RTN3: variants seen among roughly 807,000 people sequenced by gnomAD.
RTN3 encodes reticulon 3, also known as reticulon-3.
RTN3 carries 49 observed loss-of-function variants against 77.8 expected under a neutral mutation model. That is an observed-to-expected ratio of 0.63 (90% CI 0.50 to 0.80). The LOEUF (loss-of-function observed/expected upper bound fraction) is 0.80, where lower values mean the gene tolerates loss of function less well. Ranked by LOEUF, RTN3 falls within the 30% of genes least tolerant of loss-of-function variation. The pLI, the probability that RTN3 is intolerant of heterozygous loss-of-function variation, is 0.00. For missense variants in RTN3, 1,236 were observed against 1,211.9 expected (o/e 1.02, Z -0.29); for synonymous variants, 464 against 446.9 (o/e 1.04, Z -0.48).
intron 1 of RTN3, among the ~76,000 whole-genome samples, chr11:63,699,133 C>A (rs906597689): frequency 2.6e-5 from 4 of 151,798 alleles, no homozygotes; most frequent in Admixed American, 2.6e-4. Flanking sequence ...ATACAAAACC[C>A]CTACTAAAAA....
chr11:63,719,829 C>T lies in RTN3; in HGVS notation c.1327C>T (p.Gln443Ter). The change falls in exon 3 of 9, where the codon CAG (glutamine) becomes TAG (stop). Residue 443 changes from glutamine to a stop codon, truncating the protein, a stop_gained. Coordinates refer to ENST00000377819, the MANE Select transcript of RTN3 (RefSeq NM_001265589.2). LOFTEE classifies it high-confidence loss of function. ...AGGTGTGCAAGGCAATATGCAGAAA[C>T]AGGATGACACACTTGCAGAATTACC... ...IKGVQGNMQK[Q>*]DDTLAELPGS... is the part of the protein sequence containing the mutation. The T allele has an allele frequency of 6.2e-7, 1 of 1,614,170 alleles. No homozygotes were observed. Among genetic ancestry groups the T allele is most frequent in the Non-Finnish European group, 8.5e-7 (1 of 1,180,034 alleles).
rs2011605520 is a variant in RTN3 at position 63,719,547 on chromosome 11, AAAC to A, written c.1050_1052del (p.Gln351del). 6.2e-7 allele frequency: 1 copy of A among 1,614,214 alleles called. No individual in the cohort carries two copies. The highest frequency in any genetic ancestry group is 1.3e-5 in the African/African-American group (1 of 75,060). ...GACTTGGGATCTGGTTCCCCAAGTG[AAAC>A]AACAGACCGATAAATCTTCTGACTG... is the stretch of plus-strand genomic sequence containing the variant. On this transcript the variant is annotated inframe_deletion, in exon 3 of 9. Transcript: ENST00000377819.
chr11:63,739,001 A>G (rs1026548289), intron 3 of RTN3, among the ~76,000 whole-genome samples: 2 of 152,190 alleles, frequency 1.3e-5, no homozygotes, highest in East Asian at 3.8e-4. Context: ...GGGACAAGAA[A>G]TAGATACTTT....
At chr11:63,703,367 A>G (rs1942339995) in intron 1 of RTN3, among the ~76,000 whole-genome samples, 1 of 152,000 alleles carries the variant, frequency 6.6e-6, no homozygotes, top group Admixed American at 6.6e-5. Context: ...CATGGCAGCA[A>G]GTGTTTCATA....
chr11:63,707,621 G>A (rs1195755564), intron 2 of RTN3, among the ~76,000 whole-genome samples: 4 of 152,010 alleles, frequency 2.6e-5, no homozygotes, highest in South Asian at 2.1e-4. Context: ...ATCACCTGAC[G>A]TCAGGAGTTC....
intron 3 of RTN3, among the ~76,000 whole-genome samples, chr11:63,746,704 C>T (rs1249993140): frequency 1.3e-5 from 2 of 152,034 alleles, no homozygotes; most frequent in South Asian, 2.1e-4. Context: ...TTAGTAGAGA[C>T]GGGGTTTCAC....
intron 1 of RTN3, among the ~76,000 whole-genome samples, chr11:63,683,400 G>A (rs375721530): frequency 3.9e-5 from 6 of 152,168 alleles, no homozygotes; most frequent in African/African-American, 1.4e-4. Context: ...GGGTTTTCTT[G>A]ATTTTTCATT....
At chr11:63,687,003 A>G (rs1941410322) in intron 1 of RTN3, among the ~76,000 whole-genome samples, 1 of 152,210 alleles carries the variant, frequency 6.6e-6, no homozygotes, top group South Asian at 2.1e-4. Context: ...TGTTCTGTGT[A>G]CTTTTTATGG....
intron 7 of RTN3, among the ~76,000 whole-genome samples, 189 bp from the exon 8 acceptor site, chr11:63,755,923 C>A (rs1465089683): frequency 7.3e-5 from 11 of 151,598 alleles, no homozygotes; most frequent in African/African-American, 2.7e-4. Flanking sequence ...AGCGCCACTG[C>A]ACTCCACCCT....
intron 1 of RTN3, among the ~76,000 whole-genome samples, chr11:63,697,219 T>C (rs999684799): frequency 6.6e-6 from 1 of 152,050 alleles, no homozygotes; most frequent in Admixed American, 6.6e-5. Context: ...AAAATAAGAA[T>C]ATCGTGATGA....
Position 63,720,029 on chromosome 11 carries a change from A to T in RTN3, c.1527A>T (p.Thr509=). 4 of 1,614,220 alleles carry T rather than the reference A, an allele frequency of 2.5e-6. No individual in the cohort carries two copies. The highest frequency in any genetic ancestry group is 3.4e-6 in the Non-Finnish European group (4 of 1,180,040). ...ATGACACAGTAATAGAGGACATCACAGCAGATACATCATTTGAAAATAACA... is the reference window on the plus strand; with the variant it reads ...ATGACACAGTAATAGAGGACATCACTGCAGATACATCATTTGAAAATAACA... ...ESDDTVIEDI[T]ADTSFENNKI... is the part of the protein sequence containing the mutation. The change falls in exon 3 of 9, where the codon ACA becomes ACT. Residue 509 remains threonine, a synonymous_variant. Coordinates refer to ENST00000377819, the MANE Select transcript of RTN3 (RefSeq NM_001265589.2).
chr11:63,751,493 C>T (rs2014104642), intron 4 of RTN3, among the ~76,000 whole-genome samples: 1 of 152,154 alleles, frequency 6.6e-6, no homozygotes, highest in African/African-American at 2.4e-5. Flanking sequence ...TCACACTTTC[C>T]TCTTGAAAAT....
chr11:63,739,167 ATC>A (rs2013320330), intron 3 of RTN3, among the ~76,000 whole-genome samples: 1 of 152,218 alleles, frequency 6.6e-6, no homozygotes, highest in African/African-American at 2.4e-5. Context: ...CAGATGTTTC[ATC>A]TGTCATTAGC....
intron 2 of RTN3, among the ~76,000 whole-genome samples, chr11:63,709,734 T>C (rs556323917): frequency 6.6e-6 from 1 of 152,308 alleles, no homozygotes; most frequent in African/African-American, 2.4e-5. Context: ...TTTGTCTTGT[T>C]TTGTGAACAT....
Position 63,681,653 on chromosome 11 carries a change from C to T in RTN3, c.17C>T (p.Ala6Val). 3.8e-6 allele frequency: 6 copies of T among 1,593,632 alleles called. No homozygotes were observed. Among genetic ancestry groups the T allele is most frequent in the Non-Finnish European group, 5.1e-6 (6 of 1,169,060 alleles). The change falls in exon 1 of 9, where the codon GCG becomes GTG. Residue 6 changes from alanine to valine, a missense_variant. Ala to Val is a moderately conservative substitution (Grantham distance 64, BLOSUM62 0). Coordinates refer to ENST00000377819, the MANE Select transcript of RTN3 (RefSeq NM_001265589.2). ...CGCGTAGCCATGGCGGAGCCGTCGG[C>T]GGCCACTCAGTCCCATTCCATCTCC... MAEPS[A>V]ATQSHSISSS...
chr11:63,720,177 G>T lies in RTN3; in HGVS notation c.1675G>T (p.Val559Phe), dbSNP rs150093726. ...AACATCTAAAAACTTTGAAGAATTGGTCAGTGACTCTGAGCTGCATCAAGA... is the reference window on the plus strand; with the variant it reads ...AACATCTAAAAACTTTGAAGAATTGTTCAGTGACTCTGAGCTGCATCAAGA... ...EKTSKNFEEL[V>F]SDSELHQDQP... Residue 559 changes from valine to phenylalanine, a missense_variant, in exon 3 of 9, where the codon GTC becomes TTC. Physicochemically the swap from Val to Phe is conservative, Grantham distance 50. Around this residue, in one of 3 missense-constraint regions of RTN3, gnomAD observed 1,056 missense variants for 990.4 expected, o/e 1.07. Coordinates refer to ENST00000377819, the MANE Select transcript of RTN3 (RefSeq NM_001265589.2). 279 of 1,613,940 alleles carry T rather than the reference G, an allele frequency of 1.7e-4. 3 individuals are homozygous for T. The highest frequency in any genetic ancestry group is 4.2e-5 in the Non-Finnish European group (49 of 1,180,012).
At chr11:63,701,031 A>C (rs1942211949) in intron 1 of RTN3, among the ~76,000 whole-genome samples, 1 of 150,372 alleles carries the variant, frequency 6.7e-6, no homozygotes, top group African/African-American at 2.4e-5. Context: ...CAGAGGTTGC[A>C]GTGATCCGAG....
chr11:63,692,421 G>A (rs1298230597), intron 1 of RTN3, among the ~76,000 whole-genome samples: 1 of 151,932 alleles, frequency 6.6e-6, no homozygotes, highest in Non-Finnish European at 1.5e-5. Context: ...TAGACTCAAT[G>A]TTTATGTCCC....
chr11:63,721,350 G>A (rs555204647), intron 3 of RTN3, among the ~76,000 whole-genome samples: 11 of 152,130 alleles, frequency 7.2e-5, no homozygotes, highest in African/African-American at 1.9e-4. Flanking sequence ...CGAGACGGGC[G>A]GATCACAAGG....
Sources: allele counts gnomAD v4.1 joint callset (sites outside exome capture counted in the v4.1 genomes callset), GRCh38; gene constraint gnomAD v4.1.1; regional missense constraint gnomAD v4.1.1; transcripts MANE v1.5; gene names NCBI Gene and HGNC (gene_info 2026-07-23, HGNC 2026-07-21).